The following EYS variants were observed in gnomAD, a reference collection of about 807,000 sequenced individuals.
EYS encodes EGF-like photoreceptor maintenance factor.
Under a neutral mutation model 282.1 loss-of-function variants are expected in EYS, and 250 were observed. That is an observed-to-expected ratio of 0.89 (90% CI 0.80 to 0.98). EYS has a LOEUF of 0.98. Ranked by LOEUF, EYS falls within the 50% of genes least tolerant of loss-of-function variation. EYS has a pLI of 0.00. For missense variants in EYS, 4,016 were observed against 3,709.0 expected, an observed-to-expected ratio of 1.08 and a Z score of -2.15; for synonymous variants, 1,355 against 1,282.9, an observed-to-expected ratio of 1.06 and a Z score of -1.20.
chr6:64,644,762 A>C (rs1336961133), intron 22 of EYS, among the ~76,000 whole-genome samples: 1 of 152,176 alleles, frequency 6.6e-6, no homozygotes, highest in Non-Finnish European at 1.5e-5. Flanking sequence ...AGTTAAAATA[A>C]TGGTCTGGGT....
intron 39 of EYS, among the ~76,000 whole-genome samples, chr6:63,782,470 T>C (rs1770254954): frequency 6.6e-6 from 1 of 152,210 alleles, no homozygotes; most frequent in Non-Finnish European, 1.5e-5. Context: ...CTTCCTGCTT[T>C]AGTCTTGGGA....
At chr6:64,233,890 C>T (rs1766507140) in intron 30 of EYS, among the ~76,000 whole-genome samples, 1 of 152,180 alleles carries the variant, frequency 6.6e-6, no homozygotes, top group Non-Finnish European at 1.5e-5. Context: ...CAGCAAGCAG[C>T]CTGTGAAAAC....
At chr6:64,445,224 T>C (rs1775081703) in intron 26 of EYS, among the ~76,000 whole-genome samples, 1 of 152,200 alleles carries the variant, frequency 6.6e-6, no homozygotes, top group Non-Finnish European at 1.5e-5. Flanking sequence ...TTTTATTTTA[T>C]GCTTCCCTCA....
intron 7 of EYS, among the ~76,000 whole-genome samples, chr6:65,385,252 T>G (rs994137800): frequency 6.6e-6 from 1 of 151,946 alleles, no homozygotes; most frequent in Non-Finnish European, 1.5e-5. Context: ...GACTTTAAGT[T>G]GGTAGAAGCT....
intron 41 of EYS, among the ~76,000 whole-genome samples, chr6:63,731,210 A>T (rs1768773133): frequency 6.6e-6 from 1 of 152,184 alleles, no homozygotes; most frequent in African/African-American, 2.4e-5. Flanking sequence ...TATATCCTCA[A>T]GCACACTTGA....
rs546353130 is a variant in EYS at position 65,416,711 on chromosome 6, C to T, written c.863-11344G>A. 5.9e-5 allele frequency among the ~76,000 whole-genome samples: 9 copies of T among 152,002 alleles called. No individual in the cohort carries two copies. The East Asian group carries it at 7.7e-4, about 13-fold the overall frequency. ...TCCGAAGCAATTCTGTGTAAAATAACGCACTGCAGTTAGTTGAGTATTTTA... is the reference window on the plus strand; with the variant it reads ...TCCGAAGCAATTCTGTGTAAAATAATGCACTGCAGTTAGTTGAGTATTTTA... On this transcript the variant is annotated intron_variant, in intron 5 of 42. Transcript: ENST00000503581.
At chr6:64,463,249 C>G (rs1701820156) in intron 26 of EYS, among the ~76,000 whole-genome samples, 1 of 152,126 alleles carries the variant, frequency 6.6e-6, no homozygotes, top group Admixed American at 6.5e-5. Context: ...CTGCGCCTGG[C>G]CTCTCAGCTT....
At chr6:64,508,949 A>T (rs1198079761) in intron 26 of EYS, among the ~76,000 whole-genome samples, 1 of 151,886 alleles carries the variant, frequency 6.6e-6, no homozygotes, top group Non-Finnish European at 1.5e-5. Context: ...TCTCTGGGTT[A>T]TTCTTTAGGC....
intron 2 of EYS, among the ~76,000 whole-genome samples, chr6:65,507,601 A>T (rs1766704464): frequency 6.6e-6 from 1 of 152,034 alleles, no homozygotes; most frequent in Admixed American, 6.6e-5. Context: ...CAGTACTTAG[A>T]TACTCTGCTG....
At chr6:65,499,523 T>A (rs1766373774) in intron 2 of EYS, among the ~76,000 whole-genome samples, 1 of 152,036 alleles carries the variant, frequency 6.6e-6, no homozygotes, top group African/African-American at 2.4e-5. Flanking sequence ...AATAAGCAGC[T>A]TTTTATTTGT....
At chr6:65,288,722 G>C (rs147178628) in intron 12 of EYS, among the ~76,000 whole-genome samples, 1 of 151,102 alleles carries the variant, frequency 6.6e-6, no homozygotes, top group African/African-American at 2.4e-5. Context: ...TCTAATATTG[G>C]ATGTATAAAA....
chr6:64,006,055 TG>T (rs1172526923), intron 33 of EYS, among the ~76,000 whole-genome samples: 1 of 152,242 alleles, frequency 6.6e-6, no homozygotes, highest in African/African-American at 2.4e-5. Context: ...TAAATTGCTT[TG>T]GGCAGTATGG....
rs1766401358 is a variant in EYS at position 64,230,710 on chromosome 6, C to T, written c.6306G>A (p.Val2102=). Residue 2102 remains valine (V), a synonymous_variant, in exon 31 of 43, where the codon GTG becomes GTA. Transcript: ENST00000503581. The part of the protein sequence containing the change: ...SVSPSVAAPS[V]CQQDVCHNGG... Reference sequence around the variant, plus strand: ...CATTGTGGCATACATCCTGCTGGCACACAGAGGGTGCTGCAACAGAGGGGC... The same window carrying T: ...CATTGTGGCATACATCCTGCTGGCATACAGAGGGTGCTGCAACAGAGGGGC... The T allele has an allele frequency of 6.4e-7, 1 of 1,551,594 alleles. No homozygotes were observed. Among genetic ancestry groups the T allele is most frequent in the Non-Finnish European group, 8.7e-7 (1 of 1,146,930 alleles).
chr6:64,994,668 T>C (rs532622619), intron 14 of EYS, among the ~76,000 whole-genome samples: 1 of 152,262 alleles, frequency 6.6e-6, no homozygotes, highest in South Asian at 2.1e-4. Context: ...AATGAGTTAG[T>C]AAAAGCAAGT....
chr6:63,956,939 A>G (rs1765851127), intron 35 of EYS, among the ~76,000 whole-genome samples: 2 of 152,268 alleles, frequency 1.3e-5, no homozygotes, highest in African/African-American at 4.8e-5. Flanking sequence ...TACAAATTTA[A>G]CCACTTTTCC....
chr6:63,970,362 C>T (rs534419918), intron 35 of EYS, among the ~76,000 whole-genome samples: 1 of 152,158 alleles, frequency 6.6e-6, no homozygotes, highest in East Asian at 1.9e-4. Flanking sequence ...TGGGTCTGGC[C>T]CAGTGGCTCA....
intron 19 of EYS, among the ~76,000 whole-genome samples, chr6:64,866,487 A>AC (rs1301638300): frequency 2.0e-5 from 3 of 151,788 alleles, no homozygotes; most frequent in African/African-American, 7.2e-5. Context: ...ATGGTTTATT[A>AC]TTTATTCAAC....
chr6:64,113,955 A>T (rs547725106), intron 31 of EYS, among the ~76,000 whole-genome samples: 5 of 152,152 alleles, frequency 3.3e-5, no homozygotes, highest in African/African-American at 1.2e-4. Flanking sequence ...CATATTTTCT[A>T]TGGCTGCTTT....
chr6:64,082,558 TTA>T (rs1772008133), intron 31 of EYS, among the ~76,000 whole-genome samples: 1 of 152,142 alleles, frequency 6.6e-6, no homozygotes, highest in Non-Finnish European at 1.5e-5. Flanking sequence ...TTTGATGTAA[TTA>T]TATGTCAATA....
Sources: allele counts gnomAD v4.1 joint callset (sites outside exome capture counted in the v4.1 genomes callset), GRCh38; gene constraint gnomAD v4.1.1; transcripts MANE v1.5; gene names NCBI Gene and HGNC (gene_info 2026-07-23, HGNC 2026-07-21).